Variants in ANGPT1 observed in about 807,000 individuals in gnomAD.
ANGPT1 encodes the protein angiopoietin-1.
In ANGPT1, 17 loss-of-function variants were observed where a neutral mutation model predicts 62.2. That is an observed-to-expected ratio of 0.27 (90% CI 0.19 to 0.41). The LOEUF is 0.41. Among genes scored for constraint, ANGPT1 ranks in the 10% least tolerant of loss-of-function variants. The pLI, the probability that ANGPT1 is intolerant of heterozygous loss-of-function variation, is 1.00. For missense variants in ANGPT1, 478 were observed against 594.9 expected (o/e 0.80, Z 2.04); for synonymous variants, 199 against 198.9 (o/e 1.00, Z 0.00).
Position 107,475,524 on chromosome 8 carries a change from G to A in ANGPT1, c.297+21738C>T, listed in dbSNP as rs375198661. On this transcript the variant is annotated intron_variant, in intron 1 of 8. Transcript: ENST00000517746. ...GCAATACCATTCAGGACATAGGCAT[G>A]GGCAAGGACTTCATGTCTAAAACAC... is the stretch of plus-strand genomic sequence containing the variant. Among the ~76,000 whole-genome samples, 4 of 152,194 alleles carry A rather than the reference G, an allele frequency of 2.6e-5. No homozygotes were observed. The East Asian group carries it at 5.8e-4, about 22-fold the overall frequency.
intron 1 of ANGPT1, among the ~76,000 whole-genome samples, chr8:107,402,934 C>G (rs1238631811): frequency 1.3e-5 from 2 of 152,074 alleles, no homozygotes; most frequent in Admixed American, 1.3e-4. Flanking sequence ...TAGTAATGAA[C>G]ATTTCAGTTT....
chr8:107,364,747 G>A (rs1164224196), intron 1 of ANGPT1, among the ~76,000 whole-genome samples: 6 of 152,284 alleles, frequency 3.9e-5, no homozygotes, highest in South Asian at 2.1e-4. Flanking sequence ...TGTATAACAC[G>A]TGCTAGTTGT....
intron 1 of ANGPT1, among the ~76,000 whole-genome samples, chr8:107,358,773 T>C (rs1272025701): frequency 6.6e-6 from 1 of 152,174 alleles, no homozygotes; most frequent in Non-Finnish European, 1.5e-5. Context: ...CTGGGCTAAT[T>C]TATTGGAAAG....
intron 1 of ANGPT1, among the ~76,000 whole-genome samples, chr8:107,448,129 A>G (rs1408240052): frequency 6.6e-6 from 1 of 152,210 alleles, no homozygotes; most frequent in Admixed American, 6.5e-5. Context: ...GAACTGTGGT[A>G]TGGTATGTTC....
chr8:107,317,095 T>C (rs1028073289), intron 4 of ANGPT1, among the ~76,000 whole-genome samples: 4 of 152,222 alleles, frequency 2.6e-5, no homozygotes, highest in Non-Finnish European at 5.9e-5. Context: ...CCTGCCATGA[T>C]TTTAATATTT....
At chr8:107,419,620 G>A (rs10955456) in intron 1 of ANGPT1, among the ~76,000 whole-genome samples, 60,907 of 151,858 alleles carry the variant, frequency 0.4, 12,413 homozygotes, top group Middle Eastern at 0.51. Context: ...GCTTTTCTCC[G>A]TTAATCTGTC....
chr8:107,464,963 G>A (rs774402917), intron 1 of ANGPT1, among the ~76,000 whole-genome samples: 3 of 152,016 alleles, frequency 2.0e-5, no homozygotes, highest in Non-Finnish European at 4.4e-5. Flanking sequence ...CAGAGGAGCC[G>A]ATATTTGGTC....
At position 107,313,429 on chromosome 8, in the gene ANGPT1, GTTTTTTTTTTTTTTT is replaced by G. The variant is rs71308720; in HGVS notation, c.808+8452_808+8466del. Among the ~76,000 whole-genome samples the G allele has an allele frequency of 4.7e-5, 3 of 64,200 alleles. No individual in the cohort carries two copies. In the East Asian group the frequency reaches 1.6e-3, roughly 35 times the overall value. The allele number at this position is 64,200 out of a possible 152,430, so 42.1% of individuals were successfully genotyped here. A position where few individuals can be genotyped will look rare whatever the true frequency, so the allele number is the denominator to read the frequency against. On this transcript the variant is annotated intron_variant, in intron 4 of 8. Coordinates refer to ENST00000517746, the MANE Select transcript of ANGPT1 (RefSeq NM_001146.5). ...TAGGAAGCTAAAAATGTTACTAGTT[GTTTTTTTTTTTTTTT>G]TTTTTTTTTTTTTGAGACAGAGTCT...
intron 1 of ANGPT1, among the ~76,000 whole-genome samples, chr8:107,382,735 C>A (rs1277582382): frequency 6.6e-6 from 1 of 152,018 alleles, no homozygotes; most frequent in East Asian, 1.9e-4. Context: ...AATTCTCTAC[C>A]CAAACCCCGA....
intron 4 of ANGPT1, among the ~76,000 whole-genome samples, chr8:107,314,771 A>G (rs1409298448): frequency 6.6e-6 from 1 of 152,212 alleles, no homozygotes; most frequent in Non-Finnish European, 1.5e-5. Context: ...ATTGTGCACT[A>G]CAAGTAGTAA....
At chr8:107,472,314 A>G (rs1812381344) in intron 1 of ANGPT1, among the ~76,000 whole-genome samples, 1 of 152,046 alleles carries the variant, frequency 6.6e-6, no homozygotes, top group Non-Finnish European at 1.5e-5. Context: ...CTTCCATTAC[A>G]GTGCTCTTTA....
chr8:107,492,605 G>A (rs894642216), intron 1 of ANGPT1, among the ~76,000 whole-genome samples: 2 of 136,616 alleles, frequency 1.5e-5, no homozygotes, highest in African/African-American at 5.5e-5. Context: ...CCAAAGTGCT[G>A]GGATTACAGG....
rs1010236493 is a variant in ANGPT1, at chr8:107,497,267, G to T, written c.292C>A (p.Gln98Lys). The stretch of plus-strand genomic sequence containing the variant: ...AACTGAAAGCAATCACTTACTTTTT[G>T]CAGCCACTGAGTATAATTTTCCATC... ...HVMENYTQWL[Q>K]KLENYIVENM... is the part of the protein sequence containing the mutation. Residue 98 changes from glutamine (Q) to lysine (K), a missense_variant, in exon 1 of 9, where the codon CAA (glutamine) becomes AAA (lysine). Around this residue, in one of 4 missense-constraint regions of ANGPT1, gnomAD observed 343 missense variants for 355.4 expected, o/e 0.97. Coordinates refer to ENST00000517746, the MANE Select transcript of ANGPT1 (RefSeq NM_001146.5). The T allele has an allele frequency of 2.5e-6, 4 of 1,610,990 alleles. No homozygotes were observed. The African/African-American group carries it at 4.0e-5, about 16-fold the overall frequency.
At chr8:107,285,985 A>C (rs1334596472) in intron 6 of ANGPT1, among the ~76,000 whole-genome samples, 3 of 152,158 alleles carry the variant, frequency 2.0e-5, no homozygotes, top group Admixed American at 1.3e-4. Flanking sequence ...TAGAGGAAAG[A>C]AGCAAGAAAG....
In ANGPT1 at chr8:107,348,117, C is replaced by T. The variant is rs10092574; in HGVS notation, c.298-1020G>A. Among the ~76,000 whole-genome samples, 1,336 of 152,228 alleles carry T rather than the reference C, an allele frequency of 8.8e-3. 26 individuals are homozygous for T. Among genetic ancestry groups the T allele is most frequent in the African/African-American group, 0.03 (1,245 of 41,530 alleles). ...AGAAATCAGGTCCAAGGCCACACAC[C>T]ACAAAATCAGCCAGACTTGGACTTG... On this transcript the variant is annotated intron_variant, in intron 1 of 8. Transcript: ENST00000517746.
chr8:107,390,824 C>G (rs1816820150), intron 1 of ANGPT1, among the ~76,000 whole-genome samples: 1 of 152,136 alleles, frequency 6.6e-6, no homozygotes, highest in Non-Finnish European at 1.5e-5. Context: ...GTGACTTGCT[C>G]AAGATCACAG....
intron 1 of ANGPT1, among the ~76,000 whole-genome samples, chr8:107,476,009 T>C (rs1812516412): frequency 6.6e-6 from 1 of 152,204 alleles, no homozygotes. Context: ...AGTTCAACCA[T>C]TGTGGAAGAC....
intron 1 of ANGPT1, among the ~76,000 whole-genome samples, chr8:107,465,716 G>C (rs141762958): frequency 1.3e-5 from 2 of 152,114 alleles, no homozygotes; most frequent in Non-Finnish European, 2.9e-5. Flanking sequence ...ATGCTAGGAA[G>C]AATAATCCAG....
chr8:107,288,436 C>G (rs930275826), intron 6 of ANGPT1, among the ~76,000 whole-genome samples: 1 of 151,978 alleles, frequency 6.6e-6, no homozygotes, highest in African/African-American at 2.4e-5. Context: ...TTATACCATG[C>G]TAATAAGTTA....
Sources: allele counts gnomAD v4.1 joint callset (sites outside exome capture counted in the v4.1 genomes callset), GRCh38; gene constraint gnomAD v4.1.1; regional missense constraint gnomAD v4.1.1; transcripts MANE v1.5; gene names NCBI Gene and HGNC (gene_info 2026-07-23, HGNC 2026-07-21).